Variants in NVL observed in about 807,000 individuals in gnomAD.
NVL encodes the protein nuclear valosin-containing protein-like.
Under a neutral mutation model 110.2 loss-of-function variants are expected in NVL, and 84 were observed. The ratio of observed to expected loss-of-function variants is 0.76; its 90% CI spans 0.64 to 0.91. The LOEUF is 0.91. Ranked by LOEUF, NVL falls within the 40% of genes least tolerant of loss-of-function variation. The probability of loss-of-function intolerance (pLI) is 0.00; values close to 1 mark genes in which losing one functional copy is unlikely to be tolerated. For missense variants in NVL, 882 were observed against 1,035.9 expected, an observed-to-expected ratio of 0.85 and a Z score of 2.04; for synonymous variants, 354 against 361.1, an observed-to-expected ratio of 0.98 and a Z score of 0.22.
chr1:224,270,126 G>T (rs893293930), intron 17 of NVL, among the ~76,000 whole-genome samples: 3 of 151,318 alleles, frequency 2.0e-5, no homozygotes, highest in Non-Finnish European at 4.4e-5. Flanking sequence ...ATCACTCCTT[G>T]GTAACATAAC....
At chr1:224,259,170 C>CTTT (rs1663650787) in intron 18 of NVL, among the ~76,000 whole-genome samples, 1 of 151,568 alleles carries the variant, frequency 6.6e-6, no homozygotes, top group Non-Finnish European at 1.5e-5. Flanking sequence ...CTCACTGCAA[C>CTTT]CTCTGCCTTC....
At chr1:224,276,919 TAAAACTA>T (rs1558293104) in intron 16 of NVL, among the ~76,000 whole-genome samples, 1 of 7,944 alleles carries the variant, frequency 1.3e-4, no homozygotes, top group Non-Finnish European at 2.8e-4. Context: ...CTTTGACACA[TAAAACTA>T]GTTTTATGAC....
intron 1 of NVL, 77 bp from the exon 2 acceptor site, chr1:224,326,541 C>A: frequency 1.1e-6 from 1 of 907,564 alleles, no homozygotes; most frequent in Non-Finnish European, 1.8e-6. Context: ...ATTGAGCTAT[C>A]TGAACACATT....
intron 13 of NVL, 69 bp downstream of exon 13, chr1:224,289,415 C>T: frequency 6.6e-7 from 1 of 1,524,648 alleles, no homozygotes; most frequent in Non-Finnish European, 8.9e-7. Context: ...TTGTATTGAC[C>T]CTTGCTTCAA....
At chr1:224,271,723 A>C (rs1665125496) in intron 17 of NVL, among the ~76,000 whole-genome samples, 1 of 152,134 alleles carries the variant, frequency 6.6e-6, no homozygotes, top group Admixed American at 6.6e-5. Flanking sequence ...ATTAAAAAAG[A>C]ATACATTTGC....
chr1:224,260,699 CTTT>C (rs940200696), intron 18 of NVL, among the ~76,000 whole-genome samples: 9 of 126,312 alleles, frequency 7.1e-5, no homozygotes, highest in Non-Finnish European at 8.2e-5. Context: ...TCTTCTTTTC[CTTT>C]TTTTTTTTTT....
chr1:224,283,419 G>A (rs551880301), intron 15 of NVL, among the ~76,000 whole-genome samples: 28 of 152,196 alleles, frequency 1.8e-4, no homozygotes, highest in South Asian at 6.2e-4. Context: ...CCCAGGAGGC[G>A]GAGCTTGCAG....
At chr1:224,289,194 T>C (rs1667145095) in intron 13 of NVL, 3 of 351,038 alleles carry the variant, frequency 8.5e-6, no homozygotes, top group African/African-American at 6.4e-5. Flanking sequence ...TGTTCCAATA[T>C]AACTTTAATT....
intron 18 of NVL, among the ~76,000 whole-genome samples, chr1:224,254,736 T>A (rs1245752695): frequency 6.6e-6 from 1 of 151,682 alleles, no homozygotes; most frequent in Non-Finnish European, 1.5e-5. Flanking sequence ...TTAAAATGTG[T>A]ATACATTGTG....
intron 16 of NVL, among the ~76,000 whole-genome samples, chr1:224,276,068 G>A (rs1341723014): frequency 6.6e-6 from 1 of 152,040 alleles, no homozygotes; most frequent in Admixed American, 6.6e-5. Context: ...TATAACATTA[G>A]GACTAAGTAA....
chr1:224,255,182 G>GTTTTTT (rs34120278), intron 18 of NVL, among the ~76,000 whole-genome samples: 14 of 96,720 alleles, frequency 1.4e-4, no homozygotes, highest in Non-Finnish European at 2.2e-4. Context: ...AATGGTGTAG[G>GTTTTTT]TTTTTTTTTT....
At chr1:224,278,500 G>A (rs919816742) in intron 16 of NVL, among the ~76,000 whole-genome samples, 4 of 151,766 alleles carry the variant, frequency 2.6e-5, no homozygotes, top group African/African-American at 9.7e-5. Context: ...CAAAGTGCAG[G>A]GATTATAGGC....
intron 18 of NVL, among the ~76,000 whole-genome samples, chr1:224,253,196 C>T (rs1662708616): frequency 6.6e-6 from 1 of 151,688 alleles, no homozygotes; most frequent in African/African-American, 2.4e-5. Flanking sequence ...AAGTGTGCCC[C>T]CCTGCCCCCC....
intron 6 of NVL, among the ~76,000 whole-genome samples, chr1:224,307,591 A>G (rs1350245051): frequency 6.6e-6 from 1 of 151,048 alleles, no homozygotes; most frequent in Non-Finnish European, 1.5e-5. Context: ...TCTTAGTTAC[A>G]TGGGAGGCTG....
At chr1:224,256,440 A>AC in intron 18 of NVL, among the ~76,000 whole-genome samples, 1 of 150,374 alleles carries the variant, frequency 6.7e-6, no homozygotes, top group South Asian at 2.1e-4. Context: ...AAAAAAAAAA[A>AC]AAAAAAACCC....
At chr1:224,247,721 G>A (rs574742859) in intron 19 of NVL, among the ~76,000 whole-genome samples, 2 of 152,096 alleles carry the variant, frequency 1.3e-5, no homozygotes, top group Non-Finnish European at 2.9e-5. Flanking sequence ...CTGTTGCCCA[G>A]GCTGGTCTCC....
At chr1:224,326,664 TAATAC>T (rs1671175896) in intron 1 of NVL, among the ~76,000 whole-genome samples, 200 bp from the exon 2 acceptor site, 2 of 152,200 alleles carry the variant, frequency 1.3e-5, no homozygotes, top group Non-Finnish European at 1.5e-5. Context: ...TTAATCACTA[TAATAC>T]AATACTAATA....
At chr1:224,320,663 T>TTA (rs1670556762) in intron 2 of NVL, among the ~76,000 whole-genome samples, 1 of 151,854 alleles carries the variant, frequency 6.6e-6, no homozygotes, top group Non-Finnish European at 1.5e-5. Context: ...AAAAAAAACT[T>TTA]TATGTTTTTG....
In NVL at chr1:224,314,420, TAAC is replaced by T. The variant is rs1669860379; in HGVS notation, c.285-2566_285-2564del. On this transcript the variant is annotated intron_variant, in intron 4 of 22. Transcript: ENST00000281701. The stretch of plus-strand genomic sequence containing the variant: ...CCAAATCCTGTAGACATTAAAAGGA[TAAC>T]AAGAGAATATTGCAGAAGCATTATG... Among the ~76,000 whole-genome samples, 4 of 152,226 alleles carry T rather than the reference TAAC, an allele frequency of 2.6e-5. No homozygotes were observed. In the South Asian group the frequency reaches 6.2e-4, roughly 24 times the overall value.
Sources: gnomAD v4.1 joint callset for allele counts (sites outside exome capture counted in the v4.1 genomes callset) on GRCh38, gnomAD v4.1.1 for gene constraint, MANE v1.5 for transcripts, NCBI Gene and HGNC (gene_info 2026-07-23, HGNC 2026-07-21) for gene names.